The following ZFHX4 variants were observed in gnomAD, a reference collection of about 807,000 sequenced individuals.
ZFHX4 encodes the protein zinc finger homeobox 4, also known as zinc finger homeobox protein 4.
Under a neutral mutation model 267.6 loss-of-function variants are expected in ZFHX4, and 56 were observed. The ratio of observed to expected loss-of-function variants is 0.21; its 90% CI spans 0.17 to 0.26. The LOEUF (loss-of-function observed/expected upper bound fraction) is 0.26, where lower values mean the gene tolerates loss of function less well. ZFHX4 is among the 10% of genes least tolerant of loss of function. The pLI is 1.00. For synonymous variants in ZFHX4, 1,778 were observed against 1,665.6 expected (o/e 1.07, Z -1.64); for missense variants, 4,332 against 4,420.0 (o/e 0.98, Z 0.56).
At chr8:76,770,158 A>G (rs1810224011) in intron 3 of ZFHX4, among the ~76,000 whole-genome samples, 2 of 152,208 alleles carry the variant, frequency 1.3e-5, no homozygotes, top group African/African-American at 4.8e-5. Flanking sequence ...TATAACACAA[A>G]TAAATCTTGC....
At position 76,855,371 on chromosome 8, in the gene ZFHX4, A is replaced by T; in HGVS notation, c.8450A>T (p.Asp2817Val). The T allele has an allele frequency of 6.2e-7, 1 of 1,613,732 alleles. No individual in the cohort carries two copies. The highest frequency in any genetic ancestry group is 8.5e-7 in the Non-Finnish European group (1 of 1,179,840). The change falls in exon 10 of 11, where the codon GAC becomes GTC. Residue 2817 changes from aspartate to valine, a missense_variant. Around this residue, in one of 7 missense-constraint regions of ZFHX4, gnomAD observed 1,648 missense variants for 1,625.0 expected, o/e 1.01. Transcript: ENST00000651372. ...NTAISDATTG[D>V]EGNTEMESTT... ...GCAATCAGTGACGCCACCACCGGAG[A>T]CGAGGGAAACACTGAAATGGAAAGC...
At chr8:76,748,377 T>C (rs1334378311) in intron 3 of ZFHX4, among the ~76,000 whole-genome samples, 1 of 152,236 alleles carries the variant, frequency 6.6e-6, no homozygotes, top group Non-Finnish European at 1.5e-5. Context: ...TTTATAATTT[T>C]GTATTTAATA....
intron 3 of ZFHX4, among the ~76,000 whole-genome samples, chr8:76,718,418 TTTTTTAG>T: frequency 6.6e-6 from 1 of 152,270 alleles, no homozygotes; most frequent in African/African-American, 2.4e-5. Context: ...TGGTTTATTA[TTTTTTAG>T]TTTATGATTT....
At position 76,852,534 on chromosome 8, in the gene ZFHX4, A is replaced by G. The variant is rs769895907; in HGVS notation, c.5613A>G (p.Glu1871=). 1.4e-5 allele frequency: 22 copies of G among 1,609,788 alleles called. No homozygotes were observed. The highest frequency in any genetic ancestry group is 2.2e-5 in the East Asian group (1 of 44,746). The part of the protein sequence containing the change: ...ISEKPEKPKQ[E]FISEGEGLKE... The stretch of plus-strand genomic sequence containing the variant: ...AAAAGCCAGAAAAACCAAAGCAGGA[A>G]TTTATAAGTGAAGGTGAAGGACTCA... The change falls in exon 10 of 11, where the codon GAA becomes GAG. Residue 1871 remains glutamate (E), a synonymous_variant. Coordinates refer to ENST00000651372, the MANE Select transcript of ZFHX4 (RefSeq NM_024721.5).
At chr8:76,702,516 A>G (rs1378980775) in intron 1 of ZFHX4, among the ~76,000 whole-genome samples, 2 of 152,180 alleles carry the variant, frequency 1.3e-5, no homozygotes, top group Non-Finnish European at 2.9e-5. Flanking sequence ...GCTTAGTAAT[A>G]TTAGTGAACC....
chr8:76,720,710 A>T (rs1808697208), intron 3 of ZFHX4, among the ~76,000 whole-genome samples: 1 of 152,194 alleles, frequency 6.6e-6, no homozygotes, highest in South Asian at 2.1e-4. Context: ...TGACTAGCTC[A>T]GTTAAGAAAA....
intron 4 of ZFHX4, among the ~76,000 whole-genome samples, chr8:76,785,083 A>G (rs1810651831): frequency 1.3e-5 from 2 of 152,090 alleles, no homozygotes; most frequent in South Asian, 4.1e-4. Flanking sequence ...AGTCTAGACT[A>G]AAAGAGTTTT....
At chr8:76,849,868 T>C (rs1812465872) in intron 8 of ZFHX4, 156 bp downstream of exon 8, 3 of 794,114 alleles carry the variant, frequency 3.8e-6, no homozygotes, top group Non-Finnish European at 5.9e-6. Flanking sequence ...AAGGCCCATT[T>C]GTGACCTCTT....
At chr8:76,706,859 A>G (rs1346678081) in intron 2 of ZFHX4, among the ~76,000 whole-genome samples, 181 bp downstream of exon 2, 1 of 152,254 alleles carries the variant, frequency 6.6e-6, no homozygotes, top group African/African-American at 2.4e-5. Context: ...AATTAACTTC[A>G]GAGAAGAAAG....
chr8:76,805,564 T>C (rs186028824), intron 4 of ZFHX4, among the ~76,000 whole-genome samples: 18 of 152,046 alleles, frequency 1.2e-4, no homozygotes, highest in Admixed American at 4.6e-4. Flanking sequence ...ACTTGGCATT[T>C]GTCCTTGGTG....
rs1197390170 is a variant in ZFHX4 at position 76,705,083 on chromosome 8, T to A, written c.995T>A (p.Leu332His). Residue 332 changes from leucine (L) to histidine (H), a missense_variant, in exon 2 of 11, where the codon CTT (leucine) becomes CAT (histidine). By Grantham distance (99) the Leu-to-His change is moderately conservative. Around this residue, in one of 7 missense-constraint regions of ZFHX4, gnomAD observed 1,195 missense variants for 1,173.6 expected, o/e 1.02. Transcript: ENST00000651372. ...GGGATTGGCAAAGACAAAGAACCTC[T>A]TATAAGCTTTCTGGAACCAAAAAAA... ...IQGIGKDKEPLISFLEPKKST... is the reference protein window; with the variant it reads ...IQGIGKDKEPHISFLEPKKST... 6.2e-7 allele frequency: 1 copy of A among 1,613,908 alleles called. No individual in the cohort carries two copies. Among genetic ancestry groups the A allele is most frequent in the Non-Finnish European group, 8.5e-7 (1 of 1,179,866 alleles).
intron 3 of ZFHX4, among the ~76,000 whole-genome samples, chr8:76,719,150 ATGTGTGTG>A (rs10589034): frequency 0.048 from 6,480 of 134,442 alleles, 353 homozygotes; most frequent in African/African-American, 0.13. Context: ...GATGAATTGC[ATGTGTGTG>A]TGTGTGTGTG....
rs1367733191 is a variant in ZFHX4 at position 76,856,050 on chromosome 8, C to T, written c.9129C>T (p.Leu3043=). The part of the protein sequence containing the change: ...SKVRETVGSQ[L]DREKDYLAPT... Reference sequence around the variant, plus strand: ...TGAGGGAGACCGTTGGCAGTCAGCTCGATCGGGAGAAAGATTACTTGGCTC... The same window carrying T: ...TGAGGGAGACCGTTGGCAGTCAGCTTGATCGGGAGAAAGATTACTTGGCTC... Residue 3043 remains leucine, a synonymous_variant, in exon 10 of 11, where the codon CTC becomes CTT. Transcript: ENST00000651372. 4 of 1,613,824 alleles carry T rather than the reference C, an allele frequency of 2.5e-6. No homozygotes were observed. Among genetic ancestry groups the T allele is most frequent in the Non-Finnish European group, 3.4e-6 (4 of 1,179,884 alleles).
chr8:76,854,871 A>G lies in ZFHX4; in HGVS notation c.7950A>G (p.Gln2650=). ...REVGLKKRVV[Q]VWFQNTRARE... ...TCGGGCTGAAAAAAAGGGTCGTGCA[A>G]GTCTGGTTCCAGAATACACGAGCGC... Residue 2650 remains glutamine, a synonymous_variant, in exon 10 of 11, where the codon CAA becomes CAG. Transcript: ENST00000651372. 1 of 1,612,170 alleles carries G rather than the reference A, an allele frequency of 6.2e-7. No homozygotes were observed. Among genetic ancestry groups the G allele is most frequent in the Non-Finnish European group, 8.5e-7 (1 of 1,179,142 alleles).
chr8:76,768,329 G>T (rs1365634473), intron 3 of ZFHX4, among the ~76,000 whole-genome samples: 1 of 152,120 alleles, frequency 6.6e-6, no homozygotes, highest in Non-Finnish European at 1.5e-5. Context: ...TGCAGGAGTG[G>T]CATAATATGA....
chr8:76,829,788 C>T (rs572643876), intron 4 of ZFHX4, among the ~76,000 whole-genome samples: 59 of 152,142 alleles, frequency 3.9e-4, no homozygotes, highest in Admixed American at 6.5e-4. Flanking sequence ...CACTGCACTC[C>T]GGCCTGGGTT....
intron 5 of ZFHX4, among the ~76,000 whole-genome samples, chr8:76,840,041 AT>A (rs986035650): frequency 4.6e-5 from 7 of 152,106 alleles, no homozygotes; most frequent in Non-Finnish European, 7.4e-5. Flanking sequence ...CCTTTTGATT[AT>A]TTTTTGCATG....
chr8:76,808,100 T>C (rs1462351427), intron 4 of ZFHX4, among the ~76,000 whole-genome samples: 1 of 152,116 alleles, frequency 6.6e-6, no homozygotes, highest in African/African-American at 2.4e-5. Flanking sequence ...CTTTAAAAAA[T>C]TCCATAAACT....
At chr8:76,825,864 G>A (rs1334026129) in intron 4 of ZFHX4, among the ~76,000 whole-genome samples, 1 of 152,170 alleles carries the variant, frequency 6.6e-6, no homozygotes, top group Non-Finnish European at 1.5e-5. Flanking sequence ...ATCATCACAG[G>A]TCTTTGAGAT....
Sources: gnomAD v4.1 joint callset for allele counts (sites outside exome capture counted in the v4.1 genomes callset) on GRCh38, gnomAD v4.1.1 for gene constraint, gnomAD v4.1.1 regional missense constraint, MANE v1.5 for transcripts, NCBI Gene and HGNC (gene_info 2026-07-23, HGNC 2026-07-21) for gene names.